JAKMIP2: variants seen among roughly 807,000 people sequenced by gnomAD.
JAKMIP2 encodes janus kinase and microtubule-interacting protein 2.
A neutral mutation model predicts 115.0 loss-of-function variants in JAKMIP2; 25 were observed. The ratio of observed to expected loss-of-function variants is 0.22; its 90% CI spans 0.16 to 0.30. The LOEUF (loss-of-function observed/expected upper bound fraction) is 0.30, where lower values mean the gene tolerates loss of function less well. JAKMIP2 is among the 10% of genes least tolerant of loss of function. The probability of loss-of-function intolerance (pLI) is 1.00; values close to 1 mark genes in which losing one functional copy is unlikely to be tolerated. For synonymous variants in JAKMIP2, 334 were observed against 343.6 expected, an observed-to-expected ratio of 0.97 and a Z score of 0.31; for missense variants, 642 against 957.6, an observed-to-expected ratio of 0.67 and a Z score of 4.35.
intron 9 of JAKMIP2, among the ~76,000 whole-genome samples, chr5:147,639,974 A>T (rs986672965): frequency 1.3e-5 from 2 of 152,214 alleles, no homozygotes; most frequent in Non-Finnish European, 2.9e-5. Flanking sequence ...TATTTATTTT[A>T]GTAAAAGAAG....
intron 3 of JAKMIP2, among the ~76,000 whole-genome samples, chr5:147,656,744 A>G (rs1758695368): frequency 6.6e-6 from 1 of 152,156 alleles, no homozygotes; most frequent in African/African-American, 2.4e-5. Context: ...CTAGCTGGTT[A>G]TTTTGCACAC....
intron 3 of JAKMIP2, 124 bp from the exon 4 acceptor site, chr5:147,650,671 G>C (rs552208347): frequency 2.8e-6 from 2 of 726,162 alleles, no homozygotes; most frequent in East Asian, 2.7e-5. Context: ...GATTTGATAA[G>C]TGTATTGGTT....
intron 1 of JAKMIP2, among the ~76,000 whole-genome samples, chr5:147,690,539 TTATATATATATATA>T (rs58086292): frequency 0.019 from 1,709 of 92,236 alleles, 30 homozygotes; most frequent in African/African-American, 0.04. Context: ...ACTAAAGAGA[TTATATATATATATA>T]TATATATATA....
At chr5:147,717,441 T>C (rs1753052760) in intron 1 of JAKMIP2, among the ~76,000 whole-genome samples, 1 of 138,164 alleles carries the variant, frequency 7.2e-6, no homozygotes, top group Non-Finnish European at 1.6e-5. Flanking sequence ...TTGGGCAGTA[T>C]GGCCATTTTC....
At chr5:147,650,848 C>T (rs1330874647) in intron 3 of JAKMIP2, among the ~76,000 whole-genome samples, 3 of 152,164 alleles carry the variant, frequency 2.0e-5, no homozygotes, top group African/African-American at 7.2e-5. Flanking sequence ...GACAGTCTAA[C>T]TTTAAAATAG....
rs202141132 is a variant in JAKMIP2 at position 147,752,466 on chromosome 5, TTGAC to T, written c.-149+29986_-149+29989del. Among the ~76,000 whole-genome samples, 684 of 152,318 alleles carry T rather than the reference TTGAC, an allele frequency of 4.5e-3. 6 individuals are homozygous for T. Among genetic ancestry groups the T allele is most frequent in the Middle Eastern group, 0.014 (4 of 294 alleles). ...CCTGCAGCCTACTTTTGTAAATAGT[TTGAC>T]TGGGACACAGCTATGTCCAGTCATT... On this transcript the variant is annotated intron_variant, in intron 1 of 21. Coordinates refer to ENST00000616793, the MANE Select transcript of JAKMIP2 (RefSeq NM_001270941.2).
chr5:147,621,218 C>T (rs1390130495), intron 17 of JAKMIP2, among the ~76,000 whole-genome samples: 1 of 152,176 alleles, frequency 6.6e-6, no homozygotes, highest in Non-Finnish European at 1.5e-5. Flanking sequence ...ACCCACACTG[C>T]TGCTTAATGA....
chr5:147,740,616 A>G (rs1411867055), intron 1 of JAKMIP2, among the ~76,000 whole-genome samples: 2 of 152,148 alleles, frequency 1.3e-5, no homozygotes, highest in Admixed American at 6.5e-5. Flanking sequence ...AGCAGTGTGG[A>G]GGGGTCTTAG....
intron 1 of JAKMIP2, among the ~76,000 whole-genome samples, chr5:147,676,662 C>G (rs12651998): frequency 0.17 from 25,636 of 152,194 alleles, 2,766 homozygotes; most frequent in East Asian, 0.44. Context: ...CCTAATCAGG[C>G]ACCTCCTACA....
At chr5:147,607,502 G>C (rs185014999) in intron 20 of JAKMIP2, among the ~76,000 whole-genome samples, 3 of 152,086 alleles carry the variant, frequency 2.0e-5, no homozygotes, top group African/African-American at 7.2e-5. Context: ...GTTGAACCAG[G>C]CTTGCATCCC....
At chr5:147,764,945 AGGG>A (rs1561582549) in intron 1 of JAKMIP2, among the ~76,000 whole-genome samples, 26 of 89,086 alleles carry the variant, frequency 2.9e-4, no homozygotes, top group South Asian at 1.2e-3. Context: ...AGAGAGAGAG[AGGG>A]AGAGAGAGAG....
chr5:147,711,190 A>G (rs1038274470), intron 1 of JAKMIP2, among the ~76,000 whole-genome samples: 2 of 152,212 alleles, frequency 1.3e-5, no homozygotes, highest in African/African-American at 2.4e-5. Flanking sequence ...GCTTGTGTCT[A>G]GTATAAGGGG....
intron 1 of JAKMIP2, among the ~76,000 whole-genome samples, chr5:147,677,455 GGAGAGAAGCCACT>G: frequency 6.6e-6 from 1 of 152,216 alleles, no homozygotes; most frequent in Non-Finnish European, 1.5e-5. Flanking sequence ...AACTCTTGAG[GGAGAGAAGCCACT>G]GAGAGAAGAG....
intron 1 of JAKMIP2, among the ~76,000 whole-genome samples, chr5:147,761,467 A>AT (rs1754926431): frequency 6.6e-6 from 1 of 152,128 alleles, no homozygotes; most frequent in Non-Finnish European, 1.5e-5. Context: ...GTTACCTGAG[A>AT]TTCAAACCCA....
At chr5:147,762,614 G>A (rs888720106) in intron 1 of JAKMIP2, among the ~76,000 whole-genome samples, 7 of 152,052 alleles carry the variant, frequency 4.6e-5, no homozygotes, top group Middle Eastern at 3.4e-3. Context: ...GACACATGTC[G>A]TATTGGATTA....
At chr5:147,733,712 G>A (rs969791922) in intron 1 of JAKMIP2, among the ~76,000 whole-genome samples, 1 of 152,134 alleles carries the variant, frequency 6.6e-6, no homozygotes, top group Non-Finnish European at 1.5e-5. Flanking sequence ...AGAACATGCA[G>A]TGTTCGGTTT....
At position 147,640,767 on chromosome 5, in the gene JAKMIP2, T is replaced by C; in HGVS notation, c.1338A>G (p.Thr446=). ...CTGTTCTAAATGAGGCCATGGATGA[T>C]GTCTCTGAATCCATAGAGTCCTCAT... The part of the protein sequence containing the change: ...GYDEDSMDSE[T]SSMASFRTDR... The change falls in exon 9 of 22, where the codon ACA becomes ACG. Residue 446 remains threonine (T), a synonymous_variant. Transcript: ENST00000616793. The C allele has an allele frequency of 6.2e-7, 1 of 1,613,028 alleles. No individual in the cohort carries two copies. Among genetic ancestry groups the C allele is most frequent in the Non-Finnish European group, 8.5e-7 (1 of 1,179,106 alleles).
chr5:147,715,484 T>TCA (rs1752941286), intron 1 of JAKMIP2, among the ~76,000 whole-genome samples: 1 of 151,082 alleles, frequency 6.6e-6, no homozygotes, highest in Admixed American at 6.6e-5. Context: ...TGTTACTATA[T>TCA]TATATATAAC....
At chr5:147,648,098 T>C (rs1015119912) in intron 5 of JAKMIP2, among the ~76,000 whole-genome samples, 1 of 152,152 alleles carries the variant, frequency 6.6e-6, no homozygotes, top group Non-Finnish European at 1.5e-5. Context: ...TTAATGGTGA[T>C]AGACATCTAT....
Sources: allele counts gnomAD v4.1 joint callset (sites outside exome capture counted in the v4.1 genomes callset), GRCh38; gene constraint gnomAD v4.1.1; transcripts MANE v1.5; gene names NCBI Gene and HGNC (gene_info 2026-07-23, HGNC 2026-07-21).